The following PCM1 variants were observed in gnomAD, a reference collection of about 807,000 sequenced individuals.
The protein encoded by PCM1 is pericentriolar material 1 protein.
PCM1 carries 157 observed loss-of-function variants against 241.9 expected under a neutral mutation model. The observed-to-expected ratio is 0.65, with a 90% CI of 0.57 to 0.74. The LOEUF (loss-of-function observed/expected upper bound fraction) is 0.74, where lower values mean the gene tolerates loss of function less well. PCM1 is among the 30% of genes least tolerant of loss of function. The probability of loss-of-function intolerance (pLI) is 0.00; values close to 1 mark genes in which losing one functional copy is unlikely to be tolerated. For missense variants in PCM1, 3,478 were observed against 2,360.1 expected (o/e 1.47, Z -9.81); for synonymous variants, 1,085 against 784.9 (o/e 1.38, Z -6.39).
intron 36 of PCM1, among the ~76,000 whole-genome samples, chr8:18,022,239 G>T (rs575303572): frequency 6.6e-6 from 1 of 152,082 alleles, no homozygotes; most frequent in African/African-American, 2.4e-5. Flanking sequence ...AGGTGGCATC[G>T]TGAAGTAAAC....
chr8:17,927,225 C>G (rs1172760728), intron 2 of PCM1: 1 of 148,668 alleles, frequency 6.7e-6, no homozygotes, highest in Non-Finnish European at 1.5e-5. Flanking sequence ...CTCCCGAGTT[C>G]AAGCAATTGA....
chr8:18,029,156 CAAAAAAA>C lies in PCM1; in HGVS notation c.*1514_*1520del, dbSNP rs11333913. ...CTGGCAACAGAGCGAGACTCTGTCT[CAAAAAAA>C]AAAAAAAAAAAAAAAAAAAGTTAAC... On this transcript the variant is annotated 3_prime_UTR_variant, in exon 39 of 39. Coordinates refer to ENST00000325083, the MANE Select transcript of PCM1 (RefSeq NM_006197.4). 69 of 56,388 alleles carry C rather than the reference CAAAAAAA, an allele frequency of 1.2e-3. No homozygotes were observed. The highest frequency in any genetic ancestry group is 1.8e-3 in the African/African-American group (25 of 13,564). 3.5% of individuals were successfully genotyped at this position (56,388 alleles called of 1,614,324 possible).
chr8:17,954,124 C>T (rs911021803), intron 9 of PCM1, among the ~76,000 whole-genome samples: 2 of 152,192 alleles, frequency 1.3e-5, no homozygotes, highest in African/African-American at 4.8e-5. Context: ...TTTACAAACA[C>T]ATGAATACAA....
rs141730042 is a variant in PCM1 at position 17,989,990 on chromosome 8, T to C, written c.4531+11T>C. ...CAACAGATGATCTAGGTAAGCAGAA[T>C]TGTTTATAATCTTAGAAACAACTTT... is the stretch of plus-strand genomic sequence containing the variant. On this transcript the variant is annotated intron_variant, in intron 27 of 38. Transcript: ENST00000325083. 450 of 1,514,034 alleles carry C rather than the reference T, an allele frequency of 3.0e-4. 1 individual carries two copies. In the African/African-American group the frequency reaches 5.1e-3, roughly 17 times the overall value. 93.8% of individuals were successfully genotyped at this position (1,514,034 alleles called of 1,614,324 possible). A position where few individuals can be genotyped will look rare whatever the true frequency, so the allele number is the denominator to read the frequency against.
At chr8:17,936,748 C>G (rs967824614) in intron 3 of PCM1, among the ~76,000 whole-genome samples, 4 of 152,088 alleles carry the variant, frequency 2.6e-5, no homozygotes, top group African/African-American at 9.7e-5. Flanking sequence ...GATTTCAGAT[C>G]TCTTTTTGAT....
At chr8:17,943,249 G>GT (rs1412338369) in intron 6 of PCM1, among the ~76,000 whole-genome samples, 2 of 149,150 alleles carry the variant, frequency 1.3e-5, no homozygotes, top group South Asian at 2.1e-4. Flanking sequence ...TATTTTGGCA[G>GT]TTTTTTTATT....
intron 29 of PCM1, among the ~76,000 whole-genome samples, chr8:17,994,504 G>C (rs1041420897): frequency 6.6e-6 from 1 of 152,204 alleles, no homozygotes; most frequent in Non-Finnish European, 1.5e-5. Context: ...TGAGTGTGCA[G>C]ATAGCCCTTT....
intron 2 of PCM1, among the ~76,000 whole-genome samples, chr8:17,929,238 C>G (rs1283665478): frequency 1.3e-5 from 2 of 152,172 alleles, no homozygotes; most frequent in Non-Finnish European, 2.9e-5. Flanking sequence ...TTATCACATT[C>G]TACTTGATAC....
At chr8:17,966,800 C>A (rs149133238) in intron 20 of PCM1, among the ~76,000 whole-genome samples, 180 bp from the exon 21 acceptor site, 2 of 152,310 alleles carry the variant, frequency 1.3e-5, no homozygotes, top group Admixed American at 6.5e-5. Flanking sequence ...AAGTTCATTT[C>A]TTGTTCCAGA....
At position 17,956,387 on chromosome 8, in the gene PCM1, C is replaced by A. The variant is rs1037530670; in HGVS notation, c.1473-217C>A. Among the ~76,000 whole-genome samples, 3 of 152,204 alleles carry A rather than the reference C, an allele frequency of 2.0e-5. No homozygotes were observed. The East Asian group carries it at 5.8e-4, about 29-fold the overall frequency. ...GAAATTGGTTTTCTTACACTTTTGTCCCTAAAACAGCATAAGAAAATAATG... is the reference window on the plus strand; with the variant it reads ...GAAATTGGTTTTCTTACACTTTTGTACCTAAAACAGCATAAGAAAATAATG... On this transcript the variant is annotated intron_variant, in intron 10 of 38. Coordinates refer to ENST00000325083, the MANE Select transcript of PCM1 (RefSeq NM_006197.4).
At position 18,029,346 on chromosome 8, in the gene PCM1, C is replaced by T. The variant is rs1486020582; in HGVS notation, c.*1684C>T. 4.7e-6 allele frequency: 1 copy of T among 210,860 alleles called. No homozygotes were observed. Among genetic ancestry groups the T allele is most frequent in the Non-Finnish European group, 9.6e-6 (1 of 104,018 alleles). The allele number at this position is 210,860 out of a possible 1,614,324, so 13.1% of individuals were successfully genotyped here. A position where few individuals can be genotyped will look rare whatever the true frequency, so the allele number is the denominator to read the frequency against. Reference sequence around the variant, plus strand: ...AATTACCAATTCAGAATTCGGAGTTCTTATCCAGGTGCTCTAACTAACTTC... The same window carrying T: ...AATTACCAATTCAGAATTCGGAGTTTTTATCCAGGTGCTCTAACTAACTTC... On this transcript the variant is annotated 3_prime_UTR_variant, in exon 39 of 39. Transcript: ENST00000325083.
rs1373448247 is a variant in PCM1, at chr8:17,980,761, T to C, written c.4108+6T>C. The C allele has an allele frequency of 6.3e-7, 1 of 1,596,298 alleles. No individual in the cohort carries two copies. Among genetic ancestry groups the C allele is most frequent in the South Asian group, 1.1e-5 (1 of 89,408 alleles). On this transcript the variant is annotated splice_donor_region_variant and intron_variant, in intron 24 of 38. Coordinates refer to ENST00000325083, the MANE Select transcript of PCM1 (RefSeq NM_006197.4). ...GTCTACAGAAATATCTTCAGGTATG[T>C]TCTTTTTTGGTTTGCATTAATATAA...
chr8:17,992,310 G>T (rs187760274), intron 28 of PCM1, among the ~76,000 whole-genome samples: 15 of 152,262 alleles, frequency 9.9e-5, no homozygotes, highest in Non-Finnish European at 1.9e-4. Context: ...GTTGTTTAAG[G>T]AATCTTCATA....
In PCM1 at chr8:17,937,103, C is replaced by T. The variant is rs1201282976; in HGVS notation, c.97-31C>T. 3.3e-6 allele frequency: 5 copies of T among 1,510,300 alleles called. No individual in the cohort carries two copies. The African/African-American group carries it at 7.0e-5, about 21-fold the overall frequency. 93.6% of individuals were successfully genotyped at this position (1,510,300 alleles called of 1,614,324 possible). ...TCTATTTTCCTGGTTTGATACAGGC[C>T]ATGTTAATTTTTGCTTTTACTTTTT... On this transcript the variant is annotated intron_variant, in intron 3 of 38. Coordinates refer to ENST00000325083, the MANE Select transcript of PCM1 (RefSeq NM_006197.4).
At chr8:17,974,890 C>CACACAG (rs2078175852) in intron 23 of PCM1, among the ~76,000 whole-genome samples, 1 of 151,218 alleles carries the variant, frequency 6.6e-6, no homozygotes, top group East Asian at 1.9e-4. Context: ...CACACACACA[C>CACACAG]ACAAATAAAA....
chr8:17,926,773 G>A (rs2057137266), intron 2 of PCM1: 1 of 152,208 alleles, frequency 6.6e-6, no homozygotes, highest in Admixed American at 6.5e-5. Context: ...CAAGGGGCTG[G>A]TAGTATTCAG....
intron 8 of PCM1, among the ~76,000 whole-genome samples, chr8:17,952,042 G>T (rs2066222313): frequency 6.6e-6 from 1 of 152,040 alleles, no homozygotes. Context: ...GGCCAACATG[G>T]TGAAACCCTG....
intron 2 of PCM1, chr8:17,927,594 C>T (rs1024603471): frequency 6.6e-6 from 1 of 152,024 alleles, no homozygotes; most frequent in East Asian, 1.9e-4. Context: ...GCTCTGGCAC[C>T]CACTGGAGTG....
chr8:17,998,266 G>A (rs930989935), intron 29 of PCM1, among the ~76,000 whole-genome samples: 1 of 152,046 alleles, frequency 6.6e-6, no homozygotes, highest in African/African-American at 2.4e-5. Flanking sequence ...GTTGGTGTCT[G>A]GGCATTGAAG....
Sources: gnomAD v4.1 joint callset for allele counts (sites outside exome capture counted in the v4.1 genomes callset) on GRCh38, gnomAD v4.1.1 for gene constraint, MANE v1.5 for transcripts, NCBI Gene and HGNC (gene_info 2026-07-23, HGNC 2026-07-21) for gene names.